The following AFDN variants were observed in gnomAD, a reference collection of about 807,000 sequenced individuals.
AFDN encodes the protein afadin, adherens junction formation factor.
AFDN carries 68 observed loss-of-function variants against 216.6 expected under a neutral mutation model. The ratio of observed to expected loss-of-function variants is 0.31; its 90% CI spans 0.26 to 0.38. The LOEUF (loss-of-function observed/expected upper bound fraction) is 0.38. Ranked by LOEUF, AFDN falls within the 10% of genes least tolerant of loss-of-function variation. The pLI, the probability that AFDN is intolerant of heterozygous loss-of-function variation, is 1.00. For missense variants in AFDN, 2,136 were observed against 2,342.0 expected, an observed-to-expected ratio of 0.91 and a Z score of 1.82; for synonymous variants, 868 against 853.7, an observed-to-expected ratio of 1.02 and a Z score of -0.29.
At position 167,859,333 on chromosome 6, in the gene AFDN, T is replaced by C. The variant is rs1001141052; in HGVS notation, c.106-5218T>C. On this transcript the variant is annotated intron_variant, in intron 1 of 33. Transcript: ENST00000683244. Reference sequence around the variant, plus strand: ...GTTTTGTGTACTAGCAACTGGTGTGTGTTGAAGGCACAGCTGTATTTTTTT... The same window carrying C: ...GTTTTGTGTACTAGCAACTGGTGTGCGTTGAAGGCACAGCTGTATTTTTTT... Among the ~76,000 whole-genome samples the C allele has an allele frequency of 3.3e-5, 5 of 152,292 alleles. No individual in the cohort carries two copies. The East Asian group carries it at 9.7e-4, about 29-fold the overall frequency.
intron 30 of AFDN, among the ~76,000 whole-genome samples, chr6:167,955,303 C>G (rs978481425): frequency 1.3e-5 from 2 of 152,022 alleles, no homozygotes; most frequent in African/African-American, 4.8e-5. Flanking sequence ...TTCCTTCCCC[C>G]CTCAGTTTAG....
rs532822108 is a variant in AFDN, at chr6:167,945,398, C to T, written c.3359-1309C>T. ...ACAGACCTGCCTGGGGCTACTTGAC[C>T]ATTAACTCTTTTTATAAGTAAAGGG... On this transcript the variant is annotated intron_variant, in intron 26 of 33. Coordinates refer to ENST00000683244, the MANE Select transcript of AFDN (RefSeq NM_001386888.1). Among the ~76,000 whole-genome samples the T allele has an allele frequency of 3.3e-5, 5 of 152,252 alleles. No individual in the cohort carries two copies. The East Asian group carries it at 9.6e-4, about 29-fold the overall frequency.
At chr6:167,836,452 C>G (rs1333169115) in intron 1 of AFDN, among the ~76,000 whole-genome samples, 2 of 152,130 alleles carry the variant, frequency 1.3e-5, no homozygotes, top group Non-Finnish European at 2.9e-5. Context: ...AACAGACACA[C>G]AAACACAGAC....
chr6:167,881,814 C>T (rs968108699), intron 6 of AFDN, among the ~76,000 whole-genome samples: 1 of 152,186 alleles, frequency 6.6e-6, no homozygotes, highest in African/African-American at 2.4e-5. Context: ...ACCCAGAATA[C>T]TGATGGCTAG....
At position 167,916,749 on chromosome 6, in the gene AFDN, A is replaced by G. The variant is rs543610152; in HGVS notation, c.2566-340A>G. ...AGACAGCTGGTTATGAAAAGTCAGGACGATGAAACTATTCATACACCAGTA... is the reference window on the plus strand; with the variant it reads ...AGACAGCTGGTTATGAAAAGTCAGGGCGATGAAACTATTCATACACCAGTA... On this transcript the variant is annotated intron_variant, in intron 19 of 33. Coordinates refer to ENST00000683244, the MANE Select transcript of AFDN (RefSeq NM_001386888.1). Among the ~76,000 whole-genome samples, 15 of 152,278 alleles carry G rather than the reference A, an allele frequency of 9.9e-5. No homozygotes were observed. In the South Asian group the frequency reaches 3.1e-3, roughly 32 times the overall value.
chr6:167,922,504 G>A (rs939846077), intron 21 of AFDN, among the ~76,000 whole-genome samples: 24 of 152,118 alleles, frequency 1.6e-4, no homozygotes, highest in Non-Finnish European at 4.4e-5. Context: ...TGCTAAGTAG[G>A]TATTCTGAAT....
chr6:167,863,337 C>A (rs2128224931), intron 1 of AFDN, among the ~76,000 whole-genome samples: 1 of 152,282 alleles, frequency 6.6e-6, no homozygotes, highest in East Asian at 1.9e-4. Flanking sequence ...TATTTTTCTT[C>A]AAATAAGTAC....
rs1797921540 is a variant in AFDN, at chr6:167,970,048, C to T, written c.*113C>T. 1.2e-6 allele frequency: 1 copy of T among 823,150 alleles called. No homozygotes were observed. The highest frequency in any genetic ancestry group is 1.8e-5 in the African/African-American group (1 of 54,656). The allele number at this position is 823,150 out of a possible 1,614,324, so 51.0% of individuals were successfully genotyped here. A position where few individuals can be genotyped will look rare whatever the true frequency, so the allele number is the denominator to read the frequency against. ...GGGGGTTATATTTCTAAGTGATTTA[C>T]AATTTCTGTTTCTAAAATTGTTGGG... On this transcript the variant is annotated 3_prime_UTR_variant, in exon 34 of 34. Coordinates refer to ENST00000683244, the MANE Select transcript of AFDN (RefSeq NM_001386888.1).
intron 27 of AFDN, among the ~76,000 whole-genome samples, chr6:167,947,341 G>A (rs566404281): frequency 9.9e-5 from 15 of 152,034 alleles, no homozygotes; most frequent in African/African-American, 3.4e-4. Context: ...CACCACGCCC[G>A]GCTAATTTTT....
chr6:167,841,865 C>G (rs1298947053), intron 1 of AFDN, among the ~76,000 whole-genome samples: 1 of 152,078 alleles, frequency 6.6e-6, no homozygotes, highest in Non-Finnish European at 1.5e-5. Context: ...TCCCATTCCT[C>G]TGGGACTTTG....
chr6:167,896,423 T>C (rs1463582971), intron 9 of AFDN, among the ~76,000 whole-genome samples: 1 of 152,142 alleles, frequency 6.6e-6, no homozygotes, highest in African/African-American at 2.4e-5. Flanking sequence ...ACTGCACATT[T>C]AAAAACCTCC....
At chr6:167,953,625 A>C (rs1796221225) in intron 30 of AFDN, among the ~76,000 whole-genome samples, 1 of 152,138 alleles carries the variant, frequency 6.6e-6, no homozygotes, top group Non-Finnish European at 1.5e-5. Flanking sequence ...TTATTTGAAA[A>C]ACCAACCACT....
chr6:167,875,481 G>A lies in AFDN; in HGVS notation c.725G>A (p.Gly242Glu). Reference protein sequence around the residue: ...KRMQEFRSSDGRPDSGGTLRI... With the variant: ...KRMQEFRSSDERPDSGGTLRI... Reference sequence around the variant, plus strand: ...ATGCAGGAATTTCGGAGCTCAGATGGGCGGCCTGATTCAGGTACAACTTGG... The same window carrying A: ...ATGCAGGAATTTCGGAGCTCAGATGAGCGGCCTGATTCAGGTACAACTTGG... Residue 242 changes from glycine to glutamate, a missense_variant, in exon 5 of 34, where the codon GGG becomes GAG. Physicochemically the swap from Gly to Glu is moderately conservative, Grantham distance 98 (BLOSUM62 -2). Coordinates refer to ENST00000683244, the MANE Select transcript of AFDN (RefSeq NM_001386888.1). 6.2e-7 allele frequency: 1 copy of A among 1,613,672 alleles called. No individual in the cohort carries two copies. The highest frequency in any genetic ancestry group is 8.5e-7 in the Non-Finnish European group (1 of 1,179,832).
chr6:167,896,696 C>T (rs549913016), intron 9 of AFDN, among the ~76,000 whole-genome samples, 182 bp from the exon 10 acceptor site: 3 of 152,232 alleles, frequency 2.0e-5, no homozygotes, highest in Admixed American at 2.0e-4. Context: ...ACGTTTATTT[C>T]TTATTTTGAA....
At chr6:167,966,073 A>G (rs1366460584) in intron 32 of AFDN, 28 bp downstream of exon 32, 2 of 1,539,348 alleles carry the variant, frequency 1.3e-6, no homozygotes, top group Non-Finnish European at 1.7e-6. Flanking sequence ...AGCACAAGAA[A>G]GTCTCATGGG....
intron 4 of AFDN, among the ~76,000 whole-genome samples, chr6:167,874,610 A>ATTT (rs34069250): frequency 1.8e-4 from 20 of 113,252 alleles, no homozygotes; most frequent in African/African-American, 4.3e-4. Flanking sequence ...ATTTGCTATA[A>ATTT]TTTTTTTTTT....
chr6:167,843,169 C>T (rs1297291145), intron 1 of AFDN, among the ~76,000 whole-genome samples: 1 of 152,180 alleles, frequency 6.6e-6, no homozygotes, highest in Admixed American at 6.5e-5. Context: ...ATTACCTCCA[C>T]ATCGTAAACT....
At chr6:167,850,169 C>G (rs1236702366) in intron 1 of AFDN, among the ~76,000 whole-genome samples, 3 of 152,096 alleles carry the variant, frequency 2.0e-5, no homozygotes, top group Admixed American at 2.0e-4. Flanking sequence ...TTGTAAAATT[C>G]CAGTTATAAG....
intron 17 of AFDN, among the ~76,000 whole-genome samples, 156 bp downstream of exon 17, chr6:167,914,469 T>C (rs1790791027): frequency 6.6e-6 from 1 of 152,216 alleles, no homozygotes; most frequent in African/African-American, 2.4e-5. Flanking sequence ...TAACTACCTA[T>C]AGTTATATCC....
Sources: allele counts gnomAD v4.1 joint callset (sites outside exome capture counted in the v4.1 genomes callset), GRCh38; gene constraint gnomAD v4.1.1; transcripts MANE v1.5; gene names NCBI Gene and HGNC (gene_info 2026-07-23, HGNC 2026-07-21).